MAML3: variants seen among roughly 807,000 people sequenced by gnomAD.
MAML3 encodes the protein mastermind-like protein 3.
In MAML3, 27 loss-of-function variants were observed where a neutral mutation model predicts 101.9. The observed-to-expected ratio is 0.27, with a 90% CI of 0.20 to 0.37. The LOEUF (loss-of-function observed/expected upper bound fraction) is 0.37, where lower values mean the gene tolerates loss of function less well. Ranked by LOEUF, MAML3 falls within the 10% of genes least tolerant of loss-of-function variation. The pLI, the probability that MAML3 is intolerant of heterozygous loss-of-function variation, is 1.00. For synonymous variants in MAML3, 501 were observed against 555.9 expected (o/e 0.90, Z 1.39); for missense variants, 1,316 against 1,444.9 (o/e 0.91, Z 1.45).
chr4:140,153,307 G>C lies in MAML3; in HGVS notation c.21C>G (p.Pro7=). The part of the protein sequence containing the change: MGDFAA[P]AAAANGSSIC... ...TACTACTGCCATTCGCGGCAGCAGC[G>C]GGGGCTGCGAAATCCCCCATCCTGC... The change falls in exon 1 of 5, where the codon CCC becomes CCG. Residue 7 remains proline (P), a synonymous_variant. Coordinates refer to ENST00000509479, the MANE Select transcript of MAML3 (RefSeq NM_018717.5). 6.3e-7 allele frequency: 1 copy of C among 1,595,266 alleles called. No homozygotes were observed. Among genetic ancestry groups the C allele is most frequent in the African/African-American group, 1.3e-5 (1 of 74,626 alleles).
At chr4:139,745,985 G>C (rs1331145129) in intron 2 of MAML3, among the ~76,000 whole-genome samples, 1 of 152,182 alleles carries the variant, frequency 6.6e-6, no homozygotes, top group Admixed American at 6.5e-5. Flanking sequence ...GCTACTAAAT[G>C]TTTCATTCAC....
chr4:139,995,500 C>A (rs1204254630), intron 1 of MAML3, among the ~76,000 whole-genome samples: 2 of 152,144 alleles, frequency 1.3e-5, no homozygotes, highest in Non-Finnish European at 2.9e-5. Context: ...TTTTTGAATA[C>A]TAATTTGATT....
intron 2 of MAML3, among the ~76,000 whole-genome samples, chr4:139,814,025 A>AACACAAACACACAC (rs71584334): frequency 5.5e-5 from 8 of 145,032 alleles, no homozygotes; most frequent in African/African-American, 2.1e-4. Flanking sequence ...CACAAACACA[A>AACACAAACACACAC]ACACACACAC....
intron 1 of MAML3, among the ~76,000 whole-genome samples, chr4:139,939,969 T>A (rs1420930480): frequency 6.6e-6 from 1 of 152,152 alleles, no homozygotes; most frequent in Non-Finnish European, 1.5e-5. Context: ...TTTCACCATG[T>A]TGGCCAGGCT....
chr4:139,944,559 T>A (rs1020178293), intron 1 of MAML3, among the ~76,000 whole-genome samples: 2 of 152,180 alleles, frequency 1.3e-5, no homozygotes, highest in Admixed American at 6.5e-5. Flanking sequence ...TGTGCCACAT[T>A]TTCTTAATCC....
At chr4:140,014,153 AG>A (rs967509924) in intron 1 of MAML3, among the ~76,000 whole-genome samples, 4 of 152,216 alleles carry the variant, frequency 2.6e-5, no homozygotes, top group African/African-American at 9.6e-5. Context: ...ATTCTTCTAA[AG>A]GGCTCATCAT....
chr4:139,967,410 C>T (rs545850595), intron 1 of MAML3, among the ~76,000 whole-genome samples: 1 of 151,780 alleles, frequency 6.6e-6, no homozygotes, highest in Admixed American at 6.6e-5. Flanking sequence ...CTGTGGCCTA[C>T]AGTACTCCCC....
intron 1 of MAML3, among the ~76,000 whole-genome samples, chr4:140,023,372 G>A (rs1726768033): frequency 6.6e-6 from 1 of 152,156 alleles, no homozygotes; most frequent in Admixed American, 6.6e-5. Context: ...TGGAAGCTGA[G>A]GTCTGTGGAT....
chr4:140,066,760 C>G (rs970071659), intron 1 of MAML3, among the ~76,000 whole-genome samples: 7 of 152,186 alleles, frequency 4.6e-5, no homozygotes, highest in Non-Finnish European at 4.4e-5. Flanking sequence ...CAGGCAGTGC[C>G]AGGACTGCCC....
chr4:139,914,836 C>T (rs1191266151), intron 1 of MAML3, among the ~76,000 whole-genome samples: 1 of 152,246 alleles, frequency 6.6e-6, no homozygotes, highest in Non-Finnish European at 1.5e-5. Context: ...ACGTTACCTT[C>T]AGCTCCACTG....
At chr4:139,965,278 T>C (rs137855393) in intron 1 of MAML3, among the ~76,000 whole-genome samples, 2 of 152,082 alleles carry the variant, frequency 1.3e-5, no homozygotes, top group East Asian at 3.9e-4. Flanking sequence ...TGGATTTTCA[T>C]GACACAAACA....
chr4:139,943,828 TGGTAACTTAA>T (rs935838040), intron 1 of MAML3, among the ~76,000 whole-genome samples: 1 of 150,388 alleles, frequency 6.6e-6, no homozygotes, highest in African/African-American at 2.4e-5. Context: ...GAATACAATA[TGGTAACTTAA>T]GGTTGGGTTG....
intron 1 of MAML3, among the ~76,000 whole-genome samples, chr4:139,939,764 C>CTT (rs1233151703): frequency 1.8e-3 from 238 of 133,420 alleles, no homozygotes; most frequent in African/African-American, 5.2e-3. Flanking sequence ...CAGGCACTTG[C>CTT]TTTTTTTTTT....
chr4:139,760,519 G>A (rs924532641), intron 2 of MAML3, among the ~76,000 whole-genome samples: 1 of 152,256 alleles, frequency 6.6e-6, no homozygotes, highest in East Asian at 1.9e-4. Context: ...CTGGCTCATG[G>A]GCACAGGACA....
At position 139,796,962 on chromosome 4, in the gene MAML3, T is replaced by A. The variant is rs200254917; in HGVS notation, c.2080-66295A>T. ...AGAGAGCCATAAGTAGGTTATTTAA[T>A]TTCCCTTAAACTCAATTTCCTCATC... is the stretch of plus-strand genomic sequence containing the variant. On this transcript the variant is annotated intron_variant, in intron 2 of 4. Transcript: ENST00000509479. Among the ~76,000 whole-genome samples the A allele has an allele frequency of 6.6e-5, 10 of 152,288 alleles. No homozygotes were observed. In the East Asian group the frequency reaches 1.9e-3, roughly 29 times the overall value.
chr4:139,730,243 C>A lies in MAML3; in HGVS notation c.2331+173G>T, dbSNP rs1728644656. 4.7e-6 allele frequency: 3 copies of A among 637,606 alleles called. No individual in the cohort carries two copies. The East Asian group carries it at 8.2e-5, about 17-fold the overall frequency. 39.5% of individuals were successfully genotyped at this position (637,606 alleles called of 1,614,324 possible). A position where few individuals can be genotyped will look rare whatever the true frequency, so the allele number is the denominator to read the frequency against. ...ACAAATTAATTCATTATAGGAAAAA[C>A]CCTAACTAATTGAAAGGTCTAAATT... On this transcript the variant is annotated intron_variant, in intron 3 of 4. Transcript: ENST00000509479.
chr4:140,117,239 T>A (rs1728531275), intron 1 of MAML3, among the ~76,000 whole-genome samples: 1 of 152,086 alleles, frequency 6.6e-6, no homozygotes, highest in Non-Finnish European at 1.5e-5. Context: ...ATGTTTGGGG[T>A]TCCTAATTAT....
chr4:139,935,674 T>C (rs373535427), intron 1 of MAML3, among the ~76,000 whole-genome samples: 1 of 152,002 alleles, frequency 6.6e-6, no homozygotes, highest in African/African-American at 2.4e-5. Context: ...TTTTGCTTGT[T>C]GTGGGGTTTT....
chr4:139,983,141 A>G lies in MAML3; in HGVS notation c.469-92174T>C, dbSNP rs116993127. Among the ~76,000 whole-genome samples, 18 of 152,274 alleles carry G rather than the reference A, an allele frequency of 1.2e-4. No homozygotes were observed. The East Asian group carries it at 3.5e-3, about 29-fold the overall frequency. ...TTTAAATTTCCACACATTAAGGTAC[A>G]TTCTTTGTGCTGTAAAACTCCATTG... On this transcript the variant is annotated intron_variant, in intron 1 of 4. Transcript: ENST00000509479.
Sources: gnomAD v4.1 joint callset for allele counts (sites outside exome capture counted in the v4.1 genomes callset) on GRCh38, gnomAD v4.1.1 for gene constraint, MANE v1.5 for transcripts, NCBI Gene and HGNC (gene_info 2026-07-23, HGNC 2026-07-21) for gene names.